Variants in SSBP2 observed in about 807,000 individuals in gnomAD.
SSBP2 encodes the protein single-stranded DNA-binding protein 2.
A neutral mutation model predicts 61.8 loss-of-function variants in SSBP2; 17 were observed. The observed-to-expected ratio is 0.28, with a 90% confidence interval of 0.19 to 0.41. The LOEUF is 0.41. Ranked by LOEUF, SSBP2 falls within the 10% of genes least tolerant of loss-of-function variation. The probability of loss-of-function intolerance (pLI) is 1.00; values close to 1 mark genes in which losing one functional copy is unlikely to be tolerated. For synonymous variants in SSBP2, 139 were observed against 141.3 expected, an observed-to-expected ratio of 0.98 and a Z score of 0.12; for missense variants, 310 against 458.7, an observed-to-expected ratio of 0.68 and a Z score of 2.96.
chr5:81,600,018 T>A (rs1744185669), intron 4 of SSBP2, among the ~76,000 whole-genome samples: 1 of 152,246 alleles, frequency 6.6e-6, no homozygotes, highest in Admixed American at 6.5e-5. Context: ...TCTGTCTCTT[T>A]GACACCTAGG....
intron 1 of SSBP2, among the ~76,000 whole-genome samples, chr5:81,670,619 T>A (rs1230350959): frequency 6.6e-6 from 1 of 152,216 alleles, no homozygotes; most frequent in Non-Finnish European, 1.5e-5. Flanking sequence ...TTCTAAAGTT[T>A]TTTTCCTCTG....
intron 2 of SSBP2, among the ~76,000 whole-genome samples, chr5:81,645,628 T>C (rs922548603): frequency 6.6e-6 from 1 of 152,216 alleles, no homozygotes; most frequent in African/African-American, 2.4e-5. Flanking sequence ...AGAAAAAGGA[T>C]AGCTTCTAAT....
intron 4 of SSBP2, among the ~76,000 whole-genome samples, chr5:81,515,193 A>G (rs1476860116): frequency 6.6e-6 from 1 of 152,016 alleles, no homozygotes; most frequent in Non-Finnish European, 1.5e-5. Flanking sequence ...ATATCATCAA[A>G]CACAACCTCT....
At chr5:81,550,240 T>C (rs1431548966) in intron 4 of SSBP2, among the ~76,000 whole-genome samples, 1 of 152,222 alleles carries the variant, frequency 6.6e-6, no homozygotes, top group Non-Finnish European at 1.5e-5. Flanking sequence ...GATACTATTG[T>C]TGTCTCTGAT....
rs530713225 is a variant in SSBP2 at position 81,519,134 on chromosome 5, T to C, written c.283-5417A>G. 1.2e-4 allele frequency among the ~76,000 whole-genome samples: 19 copies of C among 152,294 alleles called. No homozygotes were observed. The South Asian group carries it at 3.9e-3, about 32-fold the overall frequency. On this transcript the variant is annotated intron_variant, in intron 4 of 16. Transcript: ENST00000320672. ...TTTTCAAAAGGAATTGATGGCAAAT[T>C]GTTTTTTATAATGCTCTGAAGAAGT...
intron 4 of SSBP2, among the ~76,000 whole-genome samples, chr5:81,567,227 A>C (rs538367235): frequency 6.6e-5 from 10 of 152,252 alleles, no homozygotes; most frequent in African/African-American, 2.2e-4. Context: ...AGGAGGAAAA[A>C]GTAGTTCCAT....
At chr5:81,460,611 T>C (rs571553071) in intron 10 of SSBP2, among the ~76,000 whole-genome samples, 1 of 152,294 alleles carries the variant, frequency 6.6e-6, no homozygotes, top group South Asian at 2.1e-4. Flanking sequence ...ATTTGCTTTC[T>C]GGGGCAGCAA....
At chr5:81,731,285 G>A (rs893933243) in intron 1 of SSBP2, among the ~76,000 whole-genome samples, 20 of 151,914 alleles carry the variant, frequency 1.3e-4, no homozygotes, top group African/African-American at 1.9e-4. Context: ...ATTATACATC[G>A]GCCCTTTATC....
chr5:81,705,659 C>T (rs421348), intron 1 of SSBP2, among the ~76,000 whole-genome samples: 52,489 of 152,052 alleles, frequency 0.35, 9,502 homozygotes, highest in Middle Eastern at 0.55. Context: ...AAGTCAAGTC[C>T]TTCCTTTAGC....
intron 3 of SSBP2, among the ~76,000 whole-genome samples, chr5:81,623,493 G>C (rs997956685): frequency 6.6e-6 from 1 of 151,814 alleles, no homozygotes; most frequent in Non-Finnish European, 1.5e-5. Flanking sequence ...CCGCCACCGC[G>C]CCCAGCTAAT....
chr5:81,662,691 A>G (rs1208499070), intron 1 of SSBP2, among the ~76,000 whole-genome samples: 1 of 151,904 alleles, frequency 6.6e-6, no homozygotes, highest in African/African-American at 2.4e-5. Context: ...AATCTCAGCT[A>G]CTCAGGAGGC....
intron 9 of SSBP2, 122 bp downstream of exon 9, chr5:81,466,852 A>T: frequency 1.8e-6 from 1 of 541,318 alleles, no homozygotes; most frequent in Admixed American, 3.7e-5. Context: ...TTGTTTTACA[A>T]ATTAACGTCA....
At chr5:81,518,543 C>T (rs572802443) in intron 4 of SSBP2, among the ~76,000 whole-genome samples, 1 of 152,248 alleles carries the variant, frequency 6.6e-6, no homozygotes, top group East Asian at 1.9e-4. Context: ...CTTGGACTTT[C>T]CTGCCTCCAG....
At chr5:81,651,666 C>T (rs1749740507) in intron 1 of SSBP2, among the ~76,000 whole-genome samples, 1 of 152,144 alleles carries the variant, frequency 6.6e-6, no homozygotes, top group Non-Finnish European at 1.5e-5. Context: ...ATATAGCAGG[C>T]TCCTTTCAGT....
intron 3 of SSBP2, among the ~76,000 whole-genome samples, chr5:81,623,242 T>C (rs1746793342): frequency 6.6e-6 from 1 of 152,110 alleles, no homozygotes; most frequent in African/African-American, 2.4e-5. Flanking sequence ...TCTTCTTCTT[T>C]CCTAATTTCC....
chr5:81,738,737 C>T (rs1387847621), intron 1 of SSBP2, among the ~76,000 whole-genome samples: 1 of 152,158 alleles, frequency 6.6e-6, no homozygotes, highest in Non-Finnish European at 1.5e-5. Flanking sequence ...AAAATGATGA[C>T]GCTATAAGCA....
chr5:81,639,368 A>G lies in SSBP2; in HGVS notation c.136-2750T>C, dbSNP rs546939040. 3.3e-5 allele frequency among the ~76,000 whole-genome samples: 5 copies of G among 152,352 alleles called. No individual in the cohort carries two copies. The South Asian group carries it at 6.2e-4, about 19-fold the overall frequency. On this transcript the variant is annotated intron_variant, in intron 2 of 16. Coordinates refer to ENST00000320672, the MANE Select transcript of SSBP2 (RefSeq NM_012446.5). ...TAAATACTTTTGCATGGATGTCTGA[A>G]TAAGTATTCATACAGTGCCTTTTCT...
intron 1 of SSBP2, among the ~76,000 whole-genome samples, chr5:81,707,278 C>A (rs953050456): frequency 8.6e-5 from 13 of 151,976 alleles, no homozygotes; most frequent in Non-Finnish European, 1.8e-4. Flanking sequence ...ATGTTAGAGT[C>A]CTAGCCCCTC....
chr5:81,424,055 G>GA (rs894351423), intron 16 of SSBP2, among the ~76,000 whole-genome samples: 1 of 151,976 alleles, frequency 6.6e-6, no homozygotes, highest in Non-Finnish European at 1.5e-5. Flanking sequence ...GAAACTGAGT[G>GA]AAAAAATAGA....
Sources: gnomAD v4.1 joint callset for allele counts (sites outside exome capture counted in the v4.1 genomes callset) on GRCh38, gnomAD v4.1.1 for gene constraint, MANE v1.5 for transcripts, NCBI Gene and HGNC (gene_info 2026-07-23, HGNC 2026-07-21) for gene names.